PKNOX2: variants seen among roughly 807,000 people sequenced by gnomAD.
PKNOX2 encodes PBX/knotted 1 homeobox 2.
In PKNOX2, 14 loss-of-function variants were observed where a neutral mutation model predicts 53.1. The observed-to-expected ratio is 0.26, with a 90% CI of 0.17 to 0.41. PKNOX2 has a LOEUF of 0.41. PKNOX2 is among the 10% of genes least tolerant of loss of function. The pLI is 1.00. For missense variants in PKNOX2, 496 were observed against 602.8 expected (o/e 0.82, Z 1.85); for synonymous variants, 257 against 242.8 (o/e 1.06, Z -0.54).
At chr11:125,242,201 T>C (rs1238750592) in intron 2 of PKNOX2, among the ~76,000 whole-genome samples, 1 of 152,154 alleles carries the variant, frequency 6.6e-6, no homozygotes. Context: ...AGGTGGGTAC[T>C]ATTTTTGCAG....
intron 1 of PKNOX2, among the ~76,000 whole-genome samples, chr11:125,231,333 C>T (rs937141660): frequency 3.9e-5 from 6 of 152,208 alleles, no homozygotes; most frequent in African/African-American, 1.4e-4. Flanking sequence ...TCTTCTATCC[C>T]TCTCCCCGCC....
intron 2 of PKNOX2, among the ~76,000 whole-genome samples, chr11:125,262,209 G>C (rs1944906608): frequency 6.6e-6 from 1 of 152,192 alleles, no homozygotes; most frequent in South Asian, 2.1e-4. Flanking sequence ...TGAGACAGTG[G>C]AGGCGGCGGT....
intron 1 of PKNOX2, among the ~76,000 whole-genome samples, chr11:125,167,224 A>G (rs1288342220): frequency 6.6e-6 from 1 of 151,026 alleles, no homozygotes; most frequent in African/African-American, 2.4e-5. Flanking sequence ...GAGGGCATTG[A>G]GGGGAGGAAG....
intron 10 of PKNOX2, among the ~76,000 whole-genome samples, chr11:125,421,846 A>G (rs113767528): frequency 0.029 from 4,382 of 152,316 alleles, 209 homozygotes; most frequent in African/African-American, 0.097. Context: ...ATCCGGGGCC[A>G]AGGACACCGC....
chr11:125,293,582 G>A (rs1472136934), intron 2 of PKNOX2, among the ~76,000 whole-genome samples: 1 of 152,078 alleles, frequency 6.6e-6, no homozygotes, highest in Admixed American at 6.5e-5. Flanking sequence ...TAACCCTCTG[G>A]GCATCTAAGT....
At chr11:125,384,692 A>C (rs1037284258) in intron 5 of PKNOX2, among the ~76,000 whole-genome samples, 2 of 152,170 alleles carry the variant, frequency 1.3e-5, no homozygotes, top group Non-Finnish European at 2.9e-5. Context: ...CTCAAAAAAA[A>C]CAAAAAGATC....
In PKNOX2 at chr11:125,166,061, G is replaced by C. The variant is rs1044723464; in HGVS notation, c.-201+1285G>C. On this transcript the variant is annotated intron_variant, in intron 1 of 12. Transcript: ENST00000298282. This position sits in a 1 kb window ranked among gnomAD's most constrained non-coding sequence, Gnocchi z 4.0. Reference sequence around the variant, plus strand: ...GGCCTGAATTAGGGCTGGGTTTTAGGACCAGTCTAGAGTTCGGTTTATAGG... The same window carrying C: ...GGCCTGAATTAGGGCTGGGTTTTAGCACCAGTCTAGAGTTCGGTTTATAGG... 6.6e-6 allele frequency among the ~76,000 whole-genome samples: 1 copy of C among 152,104 alleles called. No homozygotes were observed. The highest frequency in any genetic ancestry group is 2.4e-5 in the African/African-American group (1 of 41,406).
chr11:125,419,544 A>G (rs1956063271), intron 10 of PKNOX2, among the ~76,000 whole-genome samples: 1 of 151,612 alleles, frequency 6.6e-6, no homozygotes, highest in East Asian at 1.9e-4. Context: ...TAACTTCCTC[A>G]TACTGTCTGA....
chr11:125,234,508 C>T (rs927611300), intron 1 of PKNOX2, among the ~76,000 whole-genome samples: 3 of 152,186 alleles, frequency 2.0e-5, no homozygotes, highest in African/African-American at 7.2e-5. Context: ...CCCAATTGGA[C>T]TCTTCGCCTT....
At chr11:125,189,413 ATGTGTGTGTGTG>A (rs776327891) in intron 1 of PKNOX2, among the ~76,000 whole-genome samples, 72 of 65,130 alleles carry the variant, frequency 1.1e-3, no homozygotes, top group East Asian at 2.9e-3. Flanking sequence ...GTATATATAT[ATGTGTGTGTGTG>A]TGTGTGTGTG....
intron 10 of PKNOX2, among the ~76,000 whole-genome samples, chr11:125,414,013 G>C (rs1485424315): frequency 6.6e-6 from 1 of 152,130 alleles, no homozygotes; most frequent in Non-Finnish European, 1.5e-5. Context: ...AGACTGGAGG[G>C]TCACCCATCT....
intron 3 of PKNOX2, among the ~76,000 whole-genome samples, chr11:125,343,156 A>G (rs1428706624): frequency 2.0e-5 from 3 of 152,070 alleles, no homozygotes; most frequent in Non-Finnish European, 2.9e-5. Flanking sequence ...CTGGAATGGG[A>G]GAGGTACCCT....
chr11:125,379,017 G>A (rs1314365044), intron 5 of PKNOX2, among the ~76,000 whole-genome samples: 18 of 149,810 alleles, frequency 1.2e-4, no homozygotes, highest in South Asian at 2.1e-4. Flanking sequence ...GAAAGAAAGA[G>A]AAATGAAAAA....
chr11:125,302,687 A>G (rs1028105139), intron 2 of PKNOX2, among the ~76,000 whole-genome samples: 1 of 152,092 alleles, frequency 6.6e-6, no homozygotes, highest in African/African-American at 2.4e-5. Context: ...TGCATCCCAT[A>G]CCTAACGGGA....
In PKNOX2 at chr11:125,411,840, G is replaced by A. The variant is rs758257491; in HGVS notation, c.911G>A (p.Arg304His). The A allele has an allele frequency of 6.2e-6, 10 of 1,614,014 alleles. No homozygotes were observed. The highest frequency in any genetic ancestry group is 2.7e-5 in the African/African-American group (2 of 74,906). Residue 304 changes from arginine to histidine, a missense_variant, in exon 10 of 13, where the codon CGT becomes CAT. Physicochemically the swap from Arg to His is conservative, Grantham distance 29. Transcript: ENST00000298282. The stretch of plus-strand genomic sequence containing the variant: ...CCCAAGCATGCCACCAATATAATGC[G>A]TTCTTGGCTCTTCCAGCATCTCATG... ...VLPKHATNIMRSWLFQHLMHP... is the reference protein window; with the variant it reads ...VLPKHATNIMHSWLFQHLMHP...
In PKNOX2 at chr11:125,229,461, GT is replaced by G. The variant is rs774225443; in HGVS notation, c.-200-5581del. ...ATTTCTAAATGTGAAATTTTGCAAG[GT>G]TTAGATGTTGGCAGATATAAAAACA... On this transcript the variant is annotated intron_variant, in intron 1 of 12. Coordinates refer to ENST00000298282, the MANE Select transcript of PKNOX2 (RefSeq NM_001382323.2). 4.6e-5 allele frequency among the ~76,000 whole-genome samples: 7 copies of G among 152,316 alleles called. No homozygotes were observed. The East Asian group carries it at 7.7e-4, about 17-fold the overall frequency.
intron 2 of PKNOX2, among the ~76,000 whole-genome samples, chr11:125,328,960 A>G (rs957050758): frequency 1.3e-5 from 2 of 152,242 alleles, no homozygotes; most frequent in African/African-American, 2.4e-5. Flanking sequence ...AAAATTCCTT[A>G]AGACGAACAC....
chr11:125,359,547 A>G (rs553010517), intron 4 of PKNOX2, among the ~76,000 whole-genome samples: 103 of 152,256 alleles, frequency 6.8e-4, no homozygotes, highest in Non-Finnish European at 1.3e-3. Flanking sequence ...GTGCCCCCCA[A>G]CAATGTTCAT....
chr11:125,317,131 T>A (rs1949247662), intron 2 of PKNOX2, among the ~76,000 whole-genome samples: 1 of 152,254 alleles, frequency 6.6e-6, no homozygotes, highest in South Asian at 2.1e-4. Context: ...AGTTTGACCA[T>A]GAGATTGCAG....
Sources: allele counts gnomAD v4.1 joint callset (sites outside exome capture counted in the v4.1 genomes callset), GRCh38; gene constraint gnomAD v4.1.1; non-coding constraint Gnocchi (gnomAD v3.1); transcripts MANE v1.5; gene names NCBI Gene and HGNC (gene_info 2026-07-23, HGNC 2026-07-21).